The following MGMT variants were observed in gnomAD, a reference collection of about 807,000 sequenced individuals.
MGMT encodes the protein methylated-DNA--protein-cysteine methyltransferase.
Under a neutral mutation model 15.9 loss-of-function variants are expected in MGMT, and 14 were observed. The ratio of observed to expected loss-of-function variants is 0.88; its 90% CI spans 0.58 to 1.37. The LOEUF (loss-of-function observed/expected upper bound fraction) is 1.37, where lower values mean the gene tolerates loss of function less well. Ranked by LOEUF, MGMT falls within the 40% of genes most tolerant of loss-of-function variation. MGMT has a pLI of 0.00. For missense variants in MGMT, 282 were observed against 268.1 expected (o/e 1.05, Z -0.36); for synonymous variants, 130 against 118.2 (o/e 1.10, Z -0.65).
At chr10:129,567,146 C>T (rs1846364061) in intron 2 of MGMT, among the ~76,000 whole-genome samples, 1 of 152,154 alleles carries the variant, frequency 6.6e-6, no homozygotes, top group Admixed American at 6.5e-5. Flanking sequence ...TTGTGCTTCT[C>T]CCGCCTGCGG....
chr10:129,697,140 T>C (rs1439539027), intron 2 of MGMT, among the ~76,000 whole-genome samples: 2 of 152,194 alleles, frequency 1.3e-5, no homozygotes, highest in Admixed American at 1.3e-4. Flanking sequence ...AGAAAGTAGG[T>C]TGGTTACTCA....
chr10:129,647,649 A>AAAAACAG (rs1847412578), intron 2 of MGMT, among the ~76,000 whole-genome samples: 1 of 152,224 alleles, frequency 6.6e-6, no homozygotes, highest in South Asian at 2.1e-4. Flanking sequence ...TCCAAGAAGA[A>AAAAACAG]AAAACAGTTC....
chr10:129,587,173 G>T lies in MGMT; in HGVS notation c.125+50796G>T, dbSNP rs148606347. 1.1e-4 allele frequency among the ~76,000 whole-genome samples: 17 copies of T among 151,928 alleles called. No homozygotes were observed. In the East Asian group the frequency reaches 3.1e-3, roughly 28 times the overall value. The stretch of plus-strand genomic sequence containing the variant: ...TTTTTGAGTTATGTTCTTTATCGCT[G>T]GCTTTGACCATCTGGCTCATTTTTT... On this transcript the variant is annotated intron_variant, in intron 2 of 4. Transcript: ENST00000651593.
intron 4 of MGMT, among the ~76,000 whole-genome samples, chr10:129,763,961 G>A (rs1193651152): frequency 3.3e-5 from 5 of 152,200 alleles, no homozygotes; most frequent in Admixed American, 1.3e-4. Context: ...CTTAGACTGC[G>A]TCATTGGTGC....
intron 2 of MGMT, among the ~76,000 whole-genome samples, chr10:129,544,228 A>G (rs565641873): frequency 2.0e-5 from 3 of 152,240 alleles, no homozygotes; most frequent in Admixed American, 2.0e-4. Flanking sequence ...TCCAGTTCTC[A>G]TCTAGAATTA....
At chr10:129,562,775 TA>T (rs1044924360) in intron 2 of MGMT, among the ~76,000 whole-genome samples, 1 of 152,174 alleles carries the variant, frequency 6.6e-6, no homozygotes, top group Non-Finnish European at 1.5e-5. Context: ...GGTTTCTTTG[TA>T]AAAGTGAAGT....
chr10:129,716,380 A>G (rs1848297808), intron 3 of MGMT, among the ~76,000 whole-genome samples: 1 of 152,172 alleles, frequency 6.6e-6, no homozygotes, highest in Non-Finnish European at 1.5e-5. Flanking sequence ...ATTGTGTAAG[A>G]AAGGGGAATT....
chr10:129,559,519 T>G (rs1197895518), intron 2 of MGMT, among the ~76,000 whole-genome samples: 1 of 152,124 alleles, frequency 6.6e-6, no homozygotes, highest in Non-Finnish European at 1.5e-5. Context: ...TTTTAATGTT[T>G]TAGGGGAGAT....
intron 2 of MGMT, among the ~76,000 whole-genome samples, chr10:129,648,430 T>C (rs1387521116): frequency 6.6e-6 from 1 of 152,212 alleles, no homozygotes; most frequent in Non-Finnish European, 1.5e-5. Flanking sequence ...TTTCAGACTT[T>C]GCATTTCAAA....
At chr10:129,733,484 G>C (rs1454536367) in intron 3 of MGMT, among the ~76,000 whole-genome samples, 1 of 148,606 alleles carries the variant, frequency 6.7e-6, no homozygotes, top group Non-Finnish European at 1.5e-5. Context: ...AGTAGGTTGC[G>C]AAAATTTTCT....
intron 2 of MGMT, among the ~76,000 whole-genome samples, chr10:129,550,112 C>T (rs1846138924): frequency 6.6e-6 from 1 of 152,192 alleles, no homozygotes. Context: ...AAAAATATGT[C>T]ACTTAAGGTT....
At chr10:129,729,496 G>T (rs1278032314) in intron 3 of MGMT, among the ~76,000 whole-genome samples, 1 of 152,202 alleles carries the variant, frequency 6.6e-6, no homozygotes, top group African/African-American at 2.4e-5. Context: ...ACCAAAGTCA[G>T]CTGTGCCGTT....
At chr10:129,486,089 G>A (rs1472552932) in intron 1 of MGMT, among the ~76,000 whole-genome samples, 4 of 151,556 alleles carry the variant, frequency 2.6e-5, no homozygotes, top group Non-Finnish European at 5.9e-5. Flanking sequence ...TGGAAACAGA[G>A]TTGAAGAAAA....
intron 2 of MGMT, among the ~76,000 whole-genome samples, chr10:129,588,919 G>C (rs7924302): frequency 0.24 from 35,903 of 152,258 alleles, 4,802 homozygotes; most frequent in Non-Finnish European, 0.3. Flanking sequence ...AGAAACTCGC[G>C]CAGATTCCCC....
intron 2 of MGMT, among the ~76,000 whole-genome samples, chr10:129,553,827 C>A (rs528413755): frequency 6.6e-6 from 1 of 152,190 alleles, no homozygotes; most frequent in Admixed American, 6.5e-5. Context: ...TTCCTTCTTT[C>A]TGTCTCCCGC....
chr10:129,629,935 T>G (rs1847191431), intron 2 of MGMT, among the ~76,000 whole-genome samples: 1 of 152,206 alleles, frequency 6.6e-6, no homozygotes, highest in Non-Finnish European at 1.5e-5. Context: ...GCAAAGTGAT[T>G]TGTTCTTTTC....
chr10:129,634,649 G>A (rs1847246092), intron 2 of MGMT, among the ~76,000 whole-genome samples: 1 of 151,664 alleles, frequency 6.6e-6, no homozygotes, highest in African/African-American at 2.4e-5. Flanking sequence ...TCCATTGTAG[G>A]TTTTTTTAGT....
At chr10:129,692,969 G>C (rs1309245384) in intron 2 of MGMT, among the ~76,000 whole-genome samples, 1 of 152,238 alleles carries the variant, frequency 6.6e-6, no homozygotes, top group Non-Finnish European at 1.5e-5. Flanking sequence ...CCACTCGCTG[G>C]CAAAGCCCAG....
At position 129,759,199 on chromosome 10, in the gene MGMT, C is replaced by T. The variant is rs745569238; in HGVS notation, c.275-3C>T. 4 of 1,614,188 alleles carry T rather than the reference C, an allele frequency of 2.5e-6. No homozygotes were observed. In the South Asian group the frequency reaches 4.4e-5, roughly 18 times the overall value. On this transcript the variant is annotated splice_polypyrimidine_tract_variant and splice_region_variant and intron_variant, in intron 3 of 4. Coordinates refer to ENST00000651593, the MANE Select transcript of MGMT (RefSeq NM_002412.5). ...TAACATTATCCTGCATTCTTCCTTT[C>T]AGAGTCGTTCACCAGACAGGTGTTA...
Sources: allele counts gnomAD v4.1 joint callset (sites outside exome capture counted in the v4.1 genomes callset), GRCh38; gene constraint gnomAD v4.1.1; transcripts MANE v1.5; gene names NCBI Gene and HGNC (gene_info 2026-07-23, HGNC 2026-07-21).